The following NPAS2 variants were observed in gnomAD, a reference collection of about 807,000 sequenced individuals.
NPAS2 encodes the protein neuronal PAS domain protein 2, also known as neuronal PAS domain-containing protein 2.
NPAS2 carries 23 observed loss-of-function variants against 107.5 expected under a neutral mutation model. The observed-to-expected ratio is 0.21, with a 90% CI of 0.15 to 0.30. The LOEUF is 0.30. Among genes scored for constraint, NPAS2 ranks in the 10% least tolerant of loss-of-function variants. The pLI is 1.00. For synonymous variants in NPAS2, 403 were observed against 417.5 expected, an observed-to-expected ratio of 0.97 and a Z score of 0.42; for missense variants, 756 against 1,043.3, an observed-to-expected ratio of 0.72 and a Z score of 3.79.
At chr2:100,915,104 C>T (rs192282952) in intron 2 of NPAS2, among the ~76,000 whole-genome samples, 2 of 152,246 alleles carry the variant, frequency 1.3e-5, no homozygotes. Context: ...TTATTTATTT[C>T]CTTGCATCCC....
Position 100,968,215 on chromosome 2 carries a change from C to T in NPAS2, c.908-66C>T. ...TTTTGAAAGCTTATCTTTACAATAA[C>T]TCTTGGGGAAAAGATCATTTTCATA... On this transcript the variant is annotated intron_variant, in intron 10 of 20. Transcript: ENST00000335681. This position sits in a 1 kb window ranked among gnomAD's most constrained non-coding sequence, Gnocchi z 5.3. 2 of 1,516,598 alleles carry T rather than the reference C, an allele frequency of 1.3e-6. No homozygotes were observed. Among genetic ancestry groups the T allele is most frequent in the East Asian group, 4.6e-5 (2 of 43,938 alleles). 93.9% of individuals were successfully genotyped at this position (1,516,598 alleles called of 1,614,324 possible). A position where few individuals can be genotyped will look rare whatever the true frequency, so the allele number is the denominator to read the frequency against.
chr2:100,965,794 GGGGGCCTTGC>G lies in NPAS2; in HGVS notation c.907+30_907+39del, dbSNP rs1213060628. 1 of 1,136,810 alleles carries G rather than the reference GGGGGCCTTGC, an allele frequency of 8.8e-7. No homozygotes were observed. The highest frequency in any genetic ancestry group is 1.1e-6 in the Non-Finnish European group (1 of 902,570). 70.4% of individuals were successfully genotyped at this position (1,136,810 alleles called of 1,614,324 possible). On this transcript the variant is annotated intron_variant, in intron 10 of 20. Transcript: ENST00000335681. This position sits in a 1 kb window ranked among gnomAD's most constrained non-coding sequence, Gnocchi z 4.3. ...GAGTACCACTGCCCAGCCCAGGCAT[GGGGGCCTTGC>G]GTTCACTCCACTGGGGCCCAGCAGC...
intron 2 of NPAS2, among the ~76,000 whole-genome samples, chr2:100,906,608 T>C (rs1247579266): frequency 6.6e-6 from 1 of 152,232 alleles, no homozygotes; most frequent in Non-Finnish European, 1.5e-5. Context: ...CTTTTTTGTG[T>C]GTGATGGAGT....
rs1043944623 is a variant in NPAS2 at position 100,836,510 on chromosome 2, C to T, written c.-23+16096C>T. 3.9e-5 allele frequency among the ~76,000 whole-genome samples: 6 copies of T among 152,276 alleles called. No homozygotes were observed. In the East Asian group the frequency reaches 7.7e-4, roughly 20 times the overall value. ...GGAAGACATGGCCACTCAACGCCTGCGCCTGGGGACAGTGGTGGTAGGGGA... is the reference window on the plus strand; with the variant it reads ...GGAAGACATGGCCACTCAACGCCTGTGCCTGGGGACAGTGGTGGTAGGGGA... On this transcript the variant is annotated intron_variant, in intron 1 of 20. Coordinates refer to ENST00000335681, the MANE Select transcript of NPAS2 (RefSeq NM_002518.4).
chr2:100,826,560 G>C (rs1240024117), intron 1 of NPAS2, among the ~76,000 whole-genome samples: 2 of 152,010 alleles, frequency 1.3e-5, no homozygotes, highest in East Asian at 1.9e-4. Context: ...ATTTTTAAAG[G>C]CTACAGAGTA....
chr2:100,961,870 T>C (rs1675935561), intron 7 of NPAS2, among the ~76,000 whole-genome samples: 1 of 152,230 alleles, frequency 6.6e-6, no homozygotes, highest in South Asian at 2.1e-4. Context: ...CTTAAATTCC[T>C]GGGAGGCCCT....
chr2:100,890,004 T>A (rs1434862700), intron 1 of NPAS2, among the ~76,000 whole-genome samples: 1 of 152,082 alleles, frequency 6.6e-6, no homozygotes, highest in East Asian at 1.9e-4. Context: ...GGATTGAGGT[T>A]TTCCTTGCGT....
Position 100,826,165 on chromosome 2 carries a change from C to T in NPAS2, c.-23+5751C>T, listed in dbSNP as rs115711337. 7.5e-3 allele frequency among the ~76,000 whole-genome samples: 1,139 copies of T among 152,254 alleles called. 12 individuals are homozygous for T. The highest frequency in any genetic ancestry group is 0.025 in the African/African-American group (1,050 of 41,544). ...TATGTACACTTTTAAAAACTAAGGC[C>T]GGGTGCACTGACTCACGCCTGTAAT... On this transcript the variant is annotated intron_variant, in intron 1 of 20. Coordinates refer to ENST00000335681, the MANE Select transcript of NPAS2 (RefSeq NM_002518.4).
At chr2:100,823,699 A>G (rs1337880352) in intron 1 of NPAS2, 1 of 152,238 alleles carries the variant, frequency 6.6e-6, no homozygotes, top group Non-Finnish European at 1.5e-5. Context: ...AGATGATAAA[A>G]AAATGAGAAG....
At chr2:100,937,385 T>C (rs1052671671) in intron 4 of NPAS2, among the ~76,000 whole-genome samples, 1 of 152,164 alleles carries the variant, frequency 6.6e-6, no homozygotes, top group Non-Finnish European at 1.5e-5. Context: ...GGTAGGGAGA[T>C]GGGAACCATA....
chr2:100,964,999 G>A, intron 9 of NPAS2, 56 bp downstream of exon 9: 1 of 1,172,558 alleles, frequency 8.5e-7, no homozygotes, highest in Admixed American at 2.5e-5. Flanking sequence ...TTGTTTGCGT[G>A]AGCCAGGCTC....
chr2:100,898,120 T>G (rs900597010), intron 1 of NPAS2, among the ~76,000 whole-genome samples: 5 of 152,146 alleles, frequency 3.3e-5, no homozygotes, highest in African/African-American at 1.2e-4. Context: ...TTCACTCTGT[T>G]GTTTAGGCTG....
intron 3 of NPAS2, among the ~76,000 whole-genome samples, chr2:100,931,520 T>C (rs2104934464): frequency 7.4e-6 from 1 of 136,004 alleles, no homozygotes; most frequent in South Asian, 2.3e-4. Context: ...GGAGTCTTGC[T>C]CTGTCACCCA....
intron 2 of NPAS2, among the ~76,000 whole-genome samples, chr2:100,913,211 A>G (rs1477103838): frequency 1.3e-5 from 2 of 152,200 alleles, no homozygotes; most frequent in Admixed American, 6.5e-5. Context: ...CTGCACATCT[A>G]TCTGCATACC....
At chr2:100,945,866 TCCACA>T (rs1674861634) in intron 5 of NPAS2, among the ~76,000 whole-genome samples, 1 of 152,160 alleles carries the variant, frequency 6.6e-6, no homozygotes, top group Non-Finnish European at 1.5e-5. Flanking sequence ...CAGCACACCA[TCCACA>T]GTGTTCTCCG....
intron 1 of NPAS2, among the ~76,000 whole-genome samples, chr2:100,853,537 G>C (rs984814296): frequency 6.6e-6 from 1 of 152,132 alleles, no homozygotes; most frequent in Non-Finnish European, 1.5e-5. Flanking sequence ...TTGTAACCTC[G>C]GGCCTGGAAC....
chr2:100,952,483 G>A (rs1488714598), intron 7 of NPAS2, among the ~76,000 whole-genome samples: 5 of 152,032 alleles, frequency 3.3e-5, no homozygotes, highest in African/African-American at 1.2e-4. Context: ...AGAATTACTT[G>A]AACCTGGGAG....
chr2:100,860,026 A>G (rs1020070806), intron 1 of NPAS2, among the ~76,000 whole-genome samples: 13 of 152,226 alleles, frequency 8.5e-5, no homozygotes, highest in African/African-American at 3.1e-4. Context: ...ACACTGATAC[A>G]GTATTTCTTT....
chr2:100,919,900 C>T (rs1683117430), intron 2 of NPAS2, among the ~76,000 whole-genome samples: 1 of 152,236 alleles, frequency 6.6e-6, no homozygotes, highest in Admixed American at 6.5e-5. Context: ...AACTTCTCAC[C>T]GGGCAGTATT....
Sources: allele counts gnomAD v4.1 joint callset (sites outside exome capture counted in the v4.1 genomes callset), GRCh38; gene constraint gnomAD v4.1.1; non-coding constraint Gnocchi (gnomAD v3.1); transcripts MANE v1.5; gene names NCBI Gene and HGNC (gene_info 2026-07-23, HGNC 2026-07-21).